The following MDGA2 variants were observed in gnomAD, a reference collection of about 807,000 sequenced individuals.
The protein encoded by MDGA2 is MAM domain-containing glycosylphosphatidylinositol anchor protein 2.
A neutral mutation model predicts 117.8 loss-of-function variants in MDGA2; 40 were observed. That is an observed-to-expected ratio of 0.34 (90% CI 0.26 to 0.44). The LOEUF is 0.44. MDGA2 is among the 20% of genes least tolerant of loss of function. The pLI is 1.00. For missense variants in MDGA2, 1,123 were observed against 1,250.6 expected, an observed-to-expected ratio of 0.90 and a Z score of 1.54; for synonymous variants, 452 against 439.0, an observed-to-expected ratio of 1.03 and a Z score of -0.37.
At chr14:46,854,909 T>TG in intron 15 of MDGA2, 115 bp downstream of exon 15, 1 of 885,206 alleles carries the variant, frequency 1.1e-6, no homozygotes, top group South Asian at 2.8e-5. Context: ...ATATAATTTT[T>TG]GTGATGCTTA....
Position 46,841,451 on chromosome 14 carries a change from C to T in MDGA2, c.*480G>A, listed in dbSNP as rs1214604651. ...ACATTTATTTAATTCTCTACGAAAA[C>T]CTTCTCGTAAGGAAAATAAATGCCA... On this transcript the variant is annotated 3_prime_UTR_variant, in exon 17 of 17. Coordinates refer to ENST00000399232, the MANE Select transcript of MDGA2 (RefSeq NM_001113498.3). The T allele has an allele frequency of 6.6e-6, 1 of 152,514 alleles. No homozygotes were observed. Among genetic ancestry groups the T allele is most frequent in the Non-Finnish European group, 1.5e-5 (1 of 68,066 alleles). 9.4% of individuals were successfully genotyped at this position (152,514 alleles called of 1,614,324 possible).
intron 2 of MDGA2, among the ~76,000 whole-genome samples, chr14:47,284,238 G>C (rs921891126): frequency 6.6e-6 from 1 of 152,178 alleles, no homozygotes; most frequent in African/African-American, 2.4e-5. Context: ...ATTTGGAATA[G>C]AGACATGCAA....
chr14:47,528,317 G>A (rs182383900), intron 1 of MDGA2, among the ~76,000 whole-genome samples: 1 of 152,320 alleles, frequency 6.6e-6, no homozygotes, highest in East Asian at 1.9e-4. Flanking sequence ...TTAGCATGCA[G>A]AATAAAGCAG....
At chr14:47,246,458 A>G (rs1469795943) in intron 2 of MDGA2, among the ~76,000 whole-genome samples, 1 of 151,762 alleles carries the variant, frequency 6.6e-6, no homozygotes, top group Non-Finnish European at 1.5e-5. Flanking sequence ...CTTTCAGGCA[A>G]CTCAAAATGC....
chr14:46,857,135 G>T (rs535490331), intron 14 of MDGA2, among the ~76,000 whole-genome samples: 16 of 152,116 alleles, frequency 1.1e-4, no homozygotes, highest in Admixed American at 8.5e-4. Context: ...TTTTTTAAGA[G>T]CCAGATATGA....
At chr14:47,277,153 G>T (rs1054021095) in intron 2 of MDGA2, among the ~76,000 whole-genome samples, 1 of 152,118 alleles carries the variant, frequency 6.6e-6, no homozygotes, top group Admixed American at 6.6e-5. Context: ...CCCTTGTTTT[G>T]CTTCCTTCCC....
intron 9 of MDGA2, among the ~76,000 whole-genome samples, chr14:46,956,231 CT>C (rs1039226511): frequency 6.6e-6 from 1 of 151,802 alleles, no homozygotes; most frequent in South Asian, 2.1e-4. Flanking sequence ...TGTCCAGTTT[CT>C]TTTTTTTACT....
intron 10 of MDGA2, among the ~76,000 whole-genome samples, chr14:46,910,589 C>A (rs1232337300): frequency 6.6e-6 from 1 of 152,140 alleles, no homozygotes; most frequent in Non-Finnish European, 1.5e-5. Context: ...AGGATGCCCT[C>A]TCACCACTCT....
chr14:47,377,311 C>T (rs140470233), intron 1 of MDGA2, among the ~76,000 whole-genome samples: 13 of 152,146 alleles, frequency 8.5e-5, no homozygotes, highest in East Asian at 3.9e-4. Context: ...ATGCAGAAGA[C>T]GGGTGATTTC....
intron 4 of MDGA2, among the ~76,000 whole-genome samples, chr14:47,139,519 A>T (rs1882610622): frequency 6.6e-6 from 1 of 151,932 alleles, no homozygotes; most frequent in African/African-American, 2.4e-5. Context: ...GTATGCCCAT[A>T]TCTTGAATAT....
Position 47,674,742 on chromosome 14 carries a change from T to G in MDGA2, c.55A>C (p.Arg19=). 1.3e-6 allele frequency: 1 copy of G among 749,782 alleles called. No individual in the cohort carries two copies. The highest frequency in any genetic ancestry group is 2.4e-6 in the Non-Finnish European group (1 of 424,420). 46.4% of individuals were successfully genotyped at this position (749,782 alleles called of 1,614,324 possible). Residue 19 remains arginine, a synonymous_variant, in exon 1 of 17, where the codon AGG becomes CGG. Transcript: ENST00000399232. ...AGGAGGAAGCGCCGTCCGTCTGTCC[T>G]TCCCCGGCGGCGGCGGCGAGCGGAG... ...LRSARRRRRG[R]TDGRRFLLRR...
intron 6 of MDGA2, among the ~76,000 whole-genome samples, chr14:47,085,699 G>T (rs1226223954): frequency 6.6e-6 from 1 of 151,272 alleles, no homozygotes; most frequent in Non-Finnish European, 1.5e-5. Context: ...ATAATTACAG[G>T]AATTACAACA....
intron 5 of MDGA2, among the ~76,000 whole-genome samples, chr14:47,108,403 CAGA>C (rs1181119299): frequency 2.0e-5 from 3 of 152,214 alleles, no homozygotes; most frequent in Admixed American, 1.3e-4. Context: ...TGAAGAATCA[CAGA>C]AGAAGTGAAT....
chr14:47,637,690 T>A (rs1396669460), intron 1 of MDGA2, among the ~76,000 whole-genome samples: 1 of 152,194 alleles, frequency 6.6e-6, no homozygotes, highest in Non-Finnish European at 1.5e-5. Flanking sequence ...AAATAAAAAC[T>A]CATGCGAATT....
chr14:47,087,978 G>T (rs1406341725), intron 6 of MDGA2, among the ~76,000 whole-genome samples: 1 of 151,898 alleles, frequency 6.6e-6, no homozygotes, highest in Non-Finnish European at 1.5e-5. Flanking sequence ...GAGTAAATAT[G>T]ACGAGAGACT....
intron 2 of MDGA2, among the ~76,000 whole-genome samples, chr14:47,289,925 G>A (rs1888821549): frequency 6.6e-6 from 1 of 152,052 alleles, no homozygotes; most frequent in African/African-American, 2.4e-5. Context: ...GCTCCCACAT[G>A]ATCCAATTTT....
At chr14:47,198,558 C>G (rs1039678252) in intron 3 of MDGA2, among the ~76,000 whole-genome samples, 2 of 151,616 alleles carry the variant, frequency 1.3e-5, no homozygotes, top group Admixed American at 6.6e-5. Flanking sequence ...GGCGACAGAG[C>G]GAGACTCCGT....
intron 1 of MDGA2, among the ~76,000 whole-genome samples, chr14:47,371,042 T>C (rs1427308133): frequency 2.0e-5 from 3 of 151,780 alleles, no homozygotes; most frequent in Non-Finnish European, 3.0e-5. Flanking sequence ...AACATACTAA[T>C]AAAACGAGGT....
chr14:47,578,397 C>G (rs752479089), intron 1 of MDGA2, among the ~76,000 whole-genome samples: 1 of 152,048 alleles, frequency 6.6e-6, no homozygotes, highest in East Asian at 1.9e-4. Context: ...GCACTTGTAT[C>G]TTGGAACTTA....
Sources: allele counts gnomAD v4.1 joint callset (sites outside exome capture counted in the v4.1 genomes callset), GRCh38; gene constraint gnomAD v4.1.1; transcripts MANE v1.5; gene names NCBI Gene and HGNC (gene_info 2026-07-23, HGNC 2026-07-21).